ATG5: variants seen among roughly 807,000 people sequenced by gnomAD.
ATG5 encodes the protein autophagy related 5.
A neutral mutation model predicts 36.5 loss-of-function variants in ATG5; 14 were observed. That is an observed-to-expected ratio of 0.38 (90% CI 0.25 to 0.60). ATG5 has a LOEUF of 0.60. Among genes scored for constraint, ATG5 ranks in the 20% least tolerant of loss-of-function variants. The pLI, the probability that ATG5 is intolerant of heterozygous loss-of-function variation, is 0.60. For missense variants in ATG5, 195 were observed against 326.7 expected (o/e 0.60, Z 3.11); for synonymous variants, 95 against 101.5 (o/e 0.94, Z 0.38).
At chr6:106,244,184 G>GT (rs1005285142) in intron 6 of ATG5, among the ~76,000 whole-genome samples, 1 of 151,602 alleles carries the variant, frequency 6.6e-6, no homozygotes. Flanking sequence ...TCAGCTTCTT[G>GT]TTTTTTTAAA....
At chr6:106,279,132 T>C (rs1779776885) in intron 5 of ATG5, among the ~76,000 whole-genome samples, 2 of 152,206 alleles carry the variant, frequency 1.3e-5, no homozygotes, top group African/African-American at 4.8e-5. Context: ...ATCACAGAGT[T>C]ATTTACATTC....
chr6:106,194,091 G>C (rs944268780), intron 7 of ATG5, among the ~76,000 whole-genome samples: 2 of 152,124 alleles, frequency 1.3e-5, no homozygotes, highest in Non-Finnish European at 2.9e-5. Context: ...AAAATAATCA[G>C]CATTATTATT....
intron 4 of ATG5, among the ~76,000 whole-genome samples, chr6:106,282,248 A>G (rs2757132): frequency 0.096 from 14,620 of 152,222 alleles, 768 homozygotes; most frequent in African/African-American, 0.13. Context: ...TCCTCCTTTC[A>G]CTTCACCTGT....
intron 6 of ATG5, among the ~76,000 whole-genome samples, chr6:106,223,632 C>T (rs1032487383): frequency 1.2e-4 from 18 of 152,152 alleles, no homozygotes; most frequent in African/African-American, 3.9e-4. Context: ...CACGCATTCA[C>T]TATAGGAGGA....
chr6:106,272,516 A>G (rs1156301011), intron 5 of ATG5, among the ~76,000 whole-genome samples: 1 of 152,204 alleles, frequency 6.6e-6, no homozygotes, highest in African/African-American at 2.4e-5. Context: ...TCATTCCCTC[A>G]GCCTGAAACA....
chr6:106,310,320 T>G (rs557834726), intron 2 of ATG5, among the ~76,000 whole-genome samples: 3 of 152,288 alleles, frequency 2.0e-5, no homozygotes, highest in African/African-American at 7.2e-5. Context: ...CCGTTTGGCC[T>G]GTGGGAGTAA....
chr6:106,230,170 T>C (rs773829024), intron 6 of ATG5, among the ~76,000 whole-genome samples: 3 of 152,074 alleles, frequency 2.0e-5, no homozygotes, highest in Non-Finnish European at 4.4e-5. Context: ...GTTAGAAAAA[T>C]TGCCTAATAA....
chr6:106,296,294 A>AT (rs778590148), intron 3 of ATG5, among the ~76,000 whole-genome samples: 60 of 151,926 alleles, frequency 3.9e-4, no homozygotes, highest in Non-Finnish European at 8.2e-4. Flanking sequence ...TCTAAGATAT[A>AT]TTTTAGGGTC....
At chr6:106,262,484 AAAGT>A (rs1369480133) in intron 5 of ATG5, among the ~76,000 whole-genome samples, 1 of 152,212 alleles carries the variant, frequency 6.6e-6, no homozygotes, top group Non-Finnish European at 1.5e-5. Flanking sequence ...AAGGATTAGA[AAAGT>A]AAGTACATCT....
At chr6:106,245,775 G>C (rs1778308392) in intron 6 of ATG5, among the ~76,000 whole-genome samples, 1 of 152,056 alleles carries the variant, frequency 6.6e-6, no homozygotes, top group Non-Finnish European at 1.5e-5. Context: ...AAATATTATA[G>C]AGATTTGTAT....
At chr6:106,222,325 T>C (rs373226934) in intron 6 of ATG5, among the ~76,000 whole-genome samples, 18 of 152,218 alleles carry the variant, frequency 1.2e-4, no homozygotes, top group African/African-American at 4.3e-4. Flanking sequence ...ATATACTACA[T>C]GCATGAGCAT....
chr6:106,212,353 T>C (rs1776883410), intron 6 of ATG5, among the ~76,000 whole-genome samples: 1 of 152,296 alleles, frequency 6.6e-6, no homozygotes, highest in Admixed American at 6.5e-5. Context: ...AAAAACCCTA[T>C]TGGATGGCTG....
chr6:106,251,729 GAGAA>G (rs532850489), intron 5 of ATG5, among the ~76,000 whole-genome samples: 31 of 146,466 alleles, frequency 2.1e-4, no homozygotes, highest in South Asian at 1.3e-3. Context: ...GAAAGAGAAA[GAGAA>G]AGAAAGAAAG....
At chr6:106,188,244 T>C (rs1191255986) in intron 7 of ATG5, among the ~76,000 whole-genome samples, 7 of 152,224 alleles carry the variant, frequency 4.6e-5, no homozygotes, top group Non-Finnish European at 1.0e-4. Context: ...AGTTCCAGTT[T>C]GCTAAAGCTT....
At chr6:106,229,538 G>A (rs1233756235) in intron 6 of ATG5, among the ~76,000 whole-genome samples, 1 of 151,628 alleles carries the variant, frequency 6.6e-6, no homozygotes, top group African/African-American at 2.4e-5. Context: ...GTCAGAGAAA[G>A]AAAGACAAAG....
chr6:106,280,610 C>A (rs946852341), intron 4 of ATG5, among the ~76,000 whole-genome samples: 1 of 151,972 alleles, frequency 6.6e-6, no homozygotes, highest in Admixed American at 6.6e-5. Context: ...GTAAATGAGA[C>A]GACTGATGCA....
At chr6:106,236,009 T>C (rs116196535) in intron 6 of ATG5, among the ~76,000 whole-genome samples, 237 of 152,328 alleles carry the variant, frequency 1.6e-3, no homozygotes, top group African/African-American at 5.5e-3. Context: ...CCTCCTGACC[T>C]GGCCCAGACC....
At chr6:106,293,901 AAAT>A (rs1302119210) in intron 3 of ATG5, among the ~76,000 whole-genome samples, 1 of 152,194 alleles carries the variant, frequency 6.6e-6, no homozygotes, top group Non-Finnish European at 1.5e-5. Context: ...AATCAGAATT[AAAT>A]AATACAGGTT....
At chr6:106,316,001 G>T in intron 2 of ATG5, 100 bp downstream of exon 2, 1 of 882,350 alleles carries the variant, frequency 1.1e-6, no homozygotes, top group Non-Finnish European at 1.8e-6. Flanking sequence ...TGAATTAGCT[G>T]TATCTAAAAC....
Sources: gnomAD v4.1 joint callset for allele counts (sites outside exome capture counted in the v4.1 genomes callset) on GRCh38, gnomAD v4.1.1 for gene constraint, MANE v1.5 for transcripts, NCBI Gene and HGNC (gene_info 2026-07-23, HGNC 2026-07-21) for gene names.